Variants in ABCA7 observed in about 807,000 individuals in gnomAD.
ABCA7 encodes the protein phospholipid-transporting ATPase ABCA7.
Under a neutral mutation model 227.6 loss-of-function variants are expected in ABCA7, and 261 were observed. The observed-to-expected ratio is 1.15, with a 90% CI of 1.04 to 1.27. The LOEUF is 1.27. ABCA7 is among the 50% of genes most tolerant of loss of function. ABCA7 has a pLI of 0.00. For missense variants in ABCA7, 3,331 were observed against 2,924.5 expected (o/e 1.14, Z -3.21); for synonymous variants, 1,488 against 1,279.7 (o/e 1.16, Z -3.47).
intron 42 of ABCA7, among the ~76,000 whole-genome samples, chr19:1,063,175 C>T (rs1287298213): frequency 2.2e-5 from 3 of 137,354 alleles, no homozygotes; most frequent in South Asian, 2.5e-4. Flanking sequence ...CCACCCACAC[C>T]ATGGCCCCGC....
intron 12 of ABCA7, 136 bp downstream of exon 12, chr19:1,045,367 C>G: frequency 1.1e-6 from 1 of 936,426 alleles, no homozygotes; most frequent in Non-Finnish European, 1.6e-6. Flanking sequence ...GTATGGTAGC[C>G]AGAGCCCGGG....
At position 1,043,401 on chromosome 19, in the gene ABCA7, C is replaced by A. The variant is rs777875250; in HGVS notation, c.858C>A (p.Arg286=). 4 of 1,613,374 alleles carry A rather than the reference C, an allele frequency of 2.5e-6. 1 individual carries two copies. In the Admixed American group the frequency reaches 6.7e-5, roughly 27 times the overall value. ...CGCTGTCCCGCCTGCTCTGGAGACGCCTGAAGCCTCTGATCCTCGGGAAGC... is the reference window on the plus strand; with the variant it reads ...CGCTGTCCCGCCTGCTCTGGAGACGACTGAAGCCTCTGATCCTCGGGAAGC... ...SHPLSRLLWR[R]LKPLILGKLL... The change falls in exon 9 of 47, where the codon CGC becomes CGA. Residue 286 remains arginine, a synonymous_variant. Coordinates refer to ENST00000263094, the MANE Select transcript of ABCA7 (RefSeq NM_019112.4).
Position 1,051,517 on chromosome 19 carries a change from G to C in ABCA7, c.2893G>C (p.Glu965Gln). 2 of 1,612,724 alleles carry C rather than the reference G, an allele frequency of 1.2e-6. No individual in the cohort carries two copies. Among genetic ancestry groups the C allele is most frequent in the South Asian group, 1.1e-5 (1 of 91,090 alleles). ...CGGCTCCCAAGTTGTTATCCTGGAC[G>C]AGCCTACGGCTGGCGTGGATCCTGC... ...VGGSQVVILD[E>Q]PTAGVDPASR... Residue 965 changes from glutamate (E) to glutamine (Q), a missense_variant, in exon 21 of 47, where the codon GAG (glutamate) becomes CAG (glutamine). Coordinates refer to ENST00000263094, the MANE Select transcript of ABCA7 (RefSeq NM_019112.4).
intron 40 of ABCA7, 52 bp downstream of exon 40, chr19:1,059,137 T>G: frequency 6.3e-7 from 1 of 1,577,226 alleles, no homozygotes; most frequent in Non-Finnish European, 8.6e-7. Context: ...GCTGCCCTAC[T>G]GCATGCCCTG....
Position 1,045,125 on chromosome 19 carries a change from T to A in ABCA7, c.1339T>A (p.Ser447Thr), listed in dbSNP as rs760065599. 8.1e-6 allele frequency: 13 copies of A among 1,612,900 alleles called. No homozygotes were observed. The East Asian group carries it at 2.7e-4, about 33-fold the overall frequency. Residue 447 changes from serine to threonine, a missense_variant, in exon 12 of 47, where the codon TCA (serine) becomes ACA (threonine). Physicochemically the swap from Ser to Thr is moderately conservative, Grantham distance 58. Coordinates refer to ENST00000263094, the MANE Select transcript of ABCA7 (RefSeq NM_019112.4). ...GVVFLGPEDS[S>T]DPTEHPTPDL... Reference sequence around the variant, plus strand: ...CGTCTTCTTGGGACCTGAGGACTCTTCAGACCCCACAGAGCACCCAACCCC... The same window carrying A: ...CGTCTTCTTGGGACCTGAGGACTCTACAGACCCCACAGAGCACCCAACCCC...
rs545859049 is a variant in ABCA7 at position 1,051,190 on chromosome 19, G to A, written c.2720G>A (p.Arg907Gln). ...GACGAGCACGTCTGGTTCTATGGGC[G>A]GCTGAAGGGTCTGAGTGCCGCTGTA... is the stretch of plus-strand genomic sequence containing the variant. ...TVDEHVWFYG[R>Q]LKGLSAAVVG... is the part of the protein sequence containing the mutation. Residue 907 changes from arginine to glutamine, a missense_variant, in exon 20 of 47, where the codon CGG becomes CAG. Coordinates refer to ENST00000263094, the MANE Select transcript of ABCA7 (RefSeq NM_019112.4). The A allele has an allele frequency of 2.2e-5, 35 of 1,611,268 alleles. No homozygotes were observed. Among genetic ancestry groups the A allele is most frequent in the East Asian group, 4.5e-5 (2 of 44,884 alleles).
In ABCA7 at chr19:1,049,437, T is replaced by G. The variant is rs1300216528; in HGVS notation, c.2552T>G (p.Leu851Arg). Residue 851 changes from leucine to arginine, a missense_variant and splice_region_variant, in exon 18 of 47, where the codon CTG (leucine) becomes CGG (arginine). Leu to Arg is a moderately radical substitution (Grantham distance 102). Coordinates refer to ENST00000263094, the MANE Select transcript of ABCA7 (RefSeq NM_019112.4). The part of the protein sequence containing the change: ...GHNGAGKTTT[L>R]SILSGLFPPS... ...AACGGGGCCGGCAAGACCACCACCC[T>G]GTGAGCCCCCAACCACTCCCTCCCC... 2 of 1,588,074 alleles carry G rather than the reference T, an allele frequency of 1.3e-6. No individual in the cohort carries two copies.
chr19:1,052,589 A>AAGAGGAG (rs2041837113), intron 23 of ABCA7, among the ~76,000 whole-genome samples: 1 of 33,392 alleles, frequency 3.0e-5, no homozygotes, highest in African/African-American at 1.4e-4. Context: ...GGGGAGCAGA[A>AAGAGGAG]GGGGAGGAAT....
At chr19:1,064,294 G>A (rs1031078329) in intron 45 of ABCA7, 41 bp downstream of exon 45, 3 of 1,521,726 alleles carry the variant, frequency 2.0e-6, no homozygotes, top group Non-Finnish European at 2.6e-6. Context: ...GGGTGAGGGT[G>A]GGCACGTAGG....
At chr19:1,050,596 A>C (rs10414675) in intron 18 of ABCA7, among the ~76,000 whole-genome samples, 2 of 149,636 alleles carry the variant, frequency 1.3e-5, no homozygotes, top group African/African-American at 5.0e-5. Flanking sequence ...ATGGTGAAAC[A>C]GTGAAACCCC....
At position 1,047,167 on chromosome 19, in the gene ABCA7, TCCTC is replaced by T; in HGVS notation, c.1859_1862del (p.Leu620ProfsTer20). The T allele has an allele frequency of 6.2e-7, 1 of 1,602,886 alleles. No homozygotes were observed. The highest frequency in any genetic ancestry group is 1.1e-5 in the South Asian group (1 of 89,918). ...CGTTGCCTCTCACAGCTGGGAGACA[TCCTC>T]CCCTACAGCCACCCGGGCGTGGTCT... is the stretch of plus-strand genomic sequence containing the variant. On this transcript the variant is annotated frameshift_variant, in exon 15 of 47. Transcript: ENST00000263094. LOFTEE classifies it high-confidence loss of function.
In ABCA7 at chr19:1,055,205, G is replaced by A. The variant is rs2042138554; in HGVS notation, c.4059G>A (p.Arg1353=). ...GCCAGTGTAGCCGGCCCGGTGCCCG[G>A]CGCCTGCTGCCCGACTGCCCGGCTG... ...PACQCSRPGA[R]RLLPDCPAAA... Residue 1353 remains arginine, a synonymous_variant, in exon 30 of 47, where the codon CGG becomes CGA. Coordinates refer to ENST00000263094, the MANE Select transcript of ABCA7 (RefSeq NM_019112.4). 11 of 1,610,548 alleles carry A rather than the reference G, an allele frequency of 6.8e-6. No individual in the cohort carries two copies. Among genetic ancestry groups the A allele is most frequent in the Non-Finnish European group, 8.5e-6 (10 of 1,178,854 alleles).
intron 16 of ABCA7, 23 bp downstream of exon 16, chr19:1,047,677 C>T: frequency 6.4e-7 from 1 of 1,567,426 alleles, no homozygotes; most frequent in Non-Finnish European, 8.6e-7. Flanking sequence ...GGGCGGGGCT[C>T]CGGGCCGGGT....
chr19:1,063,645 G>A lies in ABCA7; in HGVS notation c.5814G>A (p.Leu1938=). 6.2e-7 allele frequency: 1 copy of A among 1,610,032 alleles called. No homozygotes were observed. Among genetic ancestry groups the A allele is most frequent in the Non-Finnish European group, 8.5e-7 (1 of 1,179,284 alleles). ...GGNKRKLATA[L]ALVGDPAVVF... is the part of the protein sequence containing the mutation. Reference sequence around the variant, plus strand: ...ACAAACGCAAGCTGGCGACGGCCCTGGCGCTGGTTGGGGACCCAGCCGTGG... The same window carrying A: ...ACAAACGCAAGCTGGCGACGGCCCTAGCGCTGGTTGGGGACCCAGCCGTGG... The change falls in exon 43 of 47, where the codon CTG becomes CTA. Residue 1938 remains leucine (L), a synonymous_variant. Transcript: ENST00000263094.
rs1310600902 is a variant in ABCA7, at chr19:1,053,772, C to T, written c.3424-16C>T. 6.2e-7 allele frequency: 1 copy of T among 1,609,084 alleles called. No homozygotes were observed. Among genetic ancestry groups the T allele is most frequent in the Admixed American group, 1.7e-5 (1 of 59,624 alleles). The stretch of plus-strand genomic sequence containing the variant: ...CTGTCGGTGTCCAGTCTCTGAGCCC[C>T]TGCTTGTCTCCCCAGATCTTCCTGA... On this transcript the variant is annotated splice_polypyrimidine_tract_variant and intron_variant, in intron 24 of 46. Coordinates refer to ENST00000263094, the MANE Select transcript of ABCA7 (RefSeq NM_019112.4).
chr19:1,057,556 G>A (rs2042360625), intron 35 of ABCA7, 127 bp downstream of exon 35: 3 of 962,436 alleles, frequency 3.1e-6, no homozygotes, highest in Admixed American at 2.1e-5. Flanking sequence ...GTGATGCCGT[G>A]TGTGATCCAA....
At chr19:1,049,081 CCAATGA>C in intron 17 of ABCA7, 76 bp downstream of exon 17, 1 of 962,872 alleles carries the variant, frequency 1.0e-6, no homozygotes, top group Non-Finnish European at 1.6e-6. Flanking sequence ...TCCACAGATG[CCAATGA>C]CAATGACCTG....
At position 1,054,579 on chromosome 19, in the gene ABCA7, C is replaced by A; in HGVS notation, c.3736C>A (p.Pro1246Thr). The change falls in exon 28 of 47, where the codon CCT becomes ACT. Residue 1246 changes from proline to threonine, a missense_variant. By Grantham distance (38) the Pro-to-Thr change is conservative (BLOSUM62 -1). Coordinates refer to ENST00000263094, the MANE Select transcript of ABCA7 (RefSeq NM_019112.4). The surrounding 1 kb of genome is among the most constrained non-coding windows in gnomAD (Gnocchi z 4.8). ...TGGGCTGGTCCCCCAGATCGTGCTG[C>A]CTGCCCTCTTTGTGGGCCTGGCCCT... ...RRGLFAQIVL[P>T]ALFVGLALVF... 6.2e-7 allele frequency: 1 copy of A among 1,610,548 alleles called. No homozygotes were observed. The highest frequency in any genetic ancestry group is 1.3e-5 in the African/African-American group (1 of 74,994).
intron 40 of ABCA7, 85 bp downstream of exon 40, chr19:1,059,170 C>T (rs944627118): frequency 2.1e-6 from 3 of 1,461,878 alleles, no homozygotes; most frequent in African/African-American, 2.8e-5. Flanking sequence ...TACTGAACAC[C>T]TACTGTGTAT....
Sources: allele counts gnomAD v4.1 joint callset (sites outside exome capture counted in the v4.1 genomes callset), GRCh38; gene constraint gnomAD v4.1.1; non-coding constraint Gnocchi (gnomAD v3.1); transcripts MANE v1.5; gene names NCBI Gene and HGNC (gene_info 2026-07-23, HGNC 2026-07-21).